Variants in PSMA1 observed in about 807,000 individuals in gnomAD.
PSMA1 encodes the protein proteasome subunit alpha type-1.
PSMA1 carries 3 observed loss-of-function variants against 38.4 expected under a neutral mutation model. That is an observed-to-expected ratio of 0.08 (90% CI 0.04 to 0.20). The LOEUF (loss-of-function observed/expected upper bound fraction) is 0.20. PSMA1 is among the 10% of genes least tolerant of loss of function. The pLI is 1.00. For missense variants in PSMA1, 227 were observed against 325.3 expected, an observed-to-expected ratio of 0.70 and a Z score of 2.32; for synonymous variants, 101 against 107.1, an observed-to-expected ratio of 0.94 and a Z score of 0.35.
chr11:14,589,362 T>C (rs1852384561), intron 2 of PSMA1, among the ~76,000 whole-genome samples: 1 of 131,344 alleles, frequency 7.6e-6, no homozygotes, highest in East Asian at 2.3e-4. Context: ...TATATATATA[T>C]ATATGTGTGT....
intron 2 of PSMA1, among the ~76,000 whole-genome samples, chr11:14,530,099 C>T (rs1353128069): frequency 2.0e-5 from 3 of 152,184 alleles, no homozygotes; most frequent in African/African-American, 7.2e-5. Context: ...ATGAATTCCT[C>T]AGATATGAGT....
In PSMA1 at chr11:14,517,754, A is replaced by G; in HGVS notation, c.151-9T>C. ...AGCTCTGATTGCGCCCTCTAAATAG[A>G]GACATTATAAGATGTAAAAAAAAAA... On this transcript the variant is annotated splice_polypyrimidine_tract_variant and intron_variant, in intron 3 of 9. Coordinates refer to ENST00000396394, the MANE Select transcript of PSMA1 (RefSeq NM_002786.4). 1 of 1,549,650 alleles carries G rather than the reference A, an allele frequency of 6.5e-7. No individual in the cohort carries two copies. The highest frequency in any genetic ancestry group is 1.2e-5 in the South Asian group (1 of 83,202).
intron 2 of PSMA1, among the ~76,000 whole-genome samples, chr11:14,584,994 A>G (rs1458767680): frequency 3.3e-5 from 5 of 152,266 alleles, no homozygotes; most frequent in Admixed American, 6.5e-5. Flanking sequence ...GTAAGATTTT[A>G]AAATAACTGG....
upstream of PSMA1, chr11:14,520,413 G>A (rs936455082): frequency 3.1e-6 from 5 of 1,610,670 alleles, no homozygotes; most frequent in Non-Finnish European, 4.2e-6. Context: ...GACGGCGGCG[G>A]CGCAGGGTAG....
chr11:14,609,945 A>C (rs977195041), intron 2 of PSMA1, among the ~76,000 whole-genome samples: 4 of 152,198 alleles, frequency 2.6e-5, no homozygotes, highest in African/African-American at 7.2e-5. Flanking sequence ...TAATCTAAAG[A>C]AGACATGATT....
chr11:14,595,152 T>A (rs551982207), intron 2 of PSMA1, among the ~76,000 whole-genome samples: 1 of 152,334 alleles, frequency 6.6e-6, no homozygotes, highest in East Asian at 1.9e-4. Flanking sequence ...ATCCAGTCTA[T>A]CATTGATGGA....
chr11:14,639,396 A>C (rs1853170229), intron 1 of PSMA1, among the ~76,000 whole-genome samples: 1 of 152,228 alleles, frequency 6.6e-6, no homozygotes, highest in Non-Finnish European at 1.5e-5. Flanking sequence ...AATAAAGCCA[A>C]AAATCAAAGG....
At chr11:14,524,901 G>T (rs2134155865), upstream of PSMA1, among the ~76,000 whole-genome samples, 1 of 152,216 alleles carries the variant, frequency 6.6e-6, no homozygotes, top group South Asian at 2.1e-4. Context: ...TGGAACTCTG[G>T]TCCAAGGCTC....
At chr11:14,513,068 T>C (rs1851371023) in intron 7 of PSMA1, among the ~76,000 whole-genome samples, 1 of 152,170 alleles carries the variant, frequency 6.6e-6, no homozygotes, top group Admixed American at 6.5e-5. Flanking sequence ...CCCGATACCC[T>C]CCTTCCAATG....
chr11:14,559,695 G>C (rs1022839442), intron 2 of PSMA1, among the ~76,000 whole-genome samples: 1 of 152,236 alleles, frequency 6.6e-6, no homozygotes, highest in East Asian at 1.9e-4. Context: ...TACAGACAAA[G>C]ATGACCCAGG....
intron 1 of PSMA1, among the ~76,000 whole-genome samples, chr11:14,619,932 C>G (rs1439870736): frequency 6.6e-6 from 1 of 152,060 alleles, no homozygotes; most frequent in Admixed American, 6.5e-5. Flanking sequence ...TAAGTATTTC[C>G]CATTTCATAA....
At chr11:14,597,387 G>A (rs2134191706) in intron 2 of PSMA1, among the ~76,000 whole-genome samples, 1 of 152,180 alleles carries the variant, frequency 6.6e-6, no homozygotes, top group Admixed American at 6.5e-5. Flanking sequence ...ACTTTTTTTG[G>A]TTGGTAGGCT....
At chr11:14,615,045 T>A (rs1203117132) in intron 1 of PSMA1, among the ~76,000 whole-genome samples, 1 of 152,214 alleles carries the variant, frequency 6.6e-6, no homozygotes, top group East Asian at 1.9e-4. Flanking sequence ...AAAAGCATCA[T>A]GTGCTTCTGC....
At chr11:14,537,089 GA>G (rs1851717679) in intron 2 of PSMA1, among the ~76,000 whole-genome samples, 1 of 152,138 alleles carries the variant, frequency 6.6e-6, no homozygotes. Flanking sequence ...AGACAAGAGA[GA>G]AAAAATTCAA....
chr11:14,508,544 C>T (rs1002904225), intron 8 of PSMA1, among the ~76,000 whole-genome samples: 1 of 62,344 alleles, frequency 1.6e-5, no homozygotes, highest in Admixed American at 2.4e-4. Context: ...TCTCCTCTTC[C>T]AGTCACCACT....
intron 2 of PSMA1, among the ~76,000 whole-genome samples, chr11:14,543,749 C>T (rs1377966717): frequency 6.6e-6 from 1 of 152,172 alleles, no homozygotes; most frequent in African/African-American, 2.4e-5. Flanking sequence ...CAATGTACAT[C>T]AGGTCCTTGA....
chr11:14,642,244 T>C (rs1853217928), intron 1 of PSMA1, among the ~76,000 whole-genome samples: 1 of 152,238 alleles, frequency 6.6e-6, no homozygotes. Context: ...AAACTCAAAA[T>C]GTATCCATTT....
intron 1 of PSMA1, among the ~76,000 whole-genome samples, chr11:14,630,884 T>A (rs1223963581): frequency 6.6e-6 from 1 of 152,098 alleles, no homozygotes; most frequent in Non-Finnish European, 1.5e-5. Flanking sequence ...TCTTCCTGGT[T>A]TAGTCTTGGG....
intron 2 of PSMA1, among the ~76,000 whole-genome samples, chr11:14,536,601 T>A (rs998887216): frequency 3.3e-5 from 5 of 151,142 alleles, no homozygotes; most frequent in Non-Finnish European, 5.9e-5. Context: ...AGGCAGCATT[T>A]AAAAAAATTT....
Sources: gnomAD v4.1 joint callset for allele counts (sites outside exome capture counted in the v4.1 genomes callset) on GRCh38, gnomAD v4.1.1 for gene constraint, MANE v1.5 for transcripts, NCBI Gene and HGNC (gene_info 2026-07-23, HGNC 2026-07-21) for gene names.